The following HCN1 variants were observed in gnomAD, a reference collection of about 807,000 sequenced individuals.
HCN1 encodes potassium/sodium hyperpolarization-activated cyclic nucleotide-gated channel 1.
HCN1 carries 13 observed loss-of-function variants against 78.9 expected under a neutral mutation model. The observed-to-expected ratio is 0.16, with a 90% CI of 0.11 to 0.26. The LOEUF is 0.26. HCN1 is among the 10% of genes least tolerant of loss of function. HCN1 has a pLI of 1.00. For missense variants in HCN1, 810 were observed against 1,154.3 expected (o/e 0.70, Z 4.32); for synonymous variants, 552 against 455.5 (o/e 1.21, Z -2.70).
intron 4 of HCN1, among the ~76,000 whole-genome samples, chr5:45,376,298 A>ATTATATATAAAATATG (rs1350411790): frequency 7.6e-4 from 1 of 1,310 alleles, no homozygotes; most frequent in African/African-American, 2.3e-3. Flanking sequence ...TATATATTGT[A>ATTATATATAAAATATG]TTATATATAA....
intron 5 of HCN1, among the ~76,000 whole-genome samples, chr5:45,316,632 T>G (rs969020401): frequency 2.0e-5 from 3 of 152,216 alleles, no homozygotes; most frequent in African/African-American, 7.2e-5. Context: ...TTGTCCCTGT[T>G]GGTAGATGAC....
intron 3 of HCN1, among the ~76,000 whole-genome samples, chr5:45,435,884 T>A (rs34666220): frequency 0.5 from 75,684 of 151,918 alleles, 20,164 homozygotes; most frequent in African/African-American, 0.69. Context: ...AGGGGGAAAA[T>A]CCTACAACAA....
chr5:45,677,830 A>G (rs932147020), intron 1 of HCN1, among the ~76,000 whole-genome samples: 1 of 151,922 alleles, frequency 6.6e-6, no homozygotes, highest in Admixed American at 6.6e-5. Flanking sequence ...TGTTTTGAGC[A>G]TGTTTCTTAT....
At chr5:45,310,314 CA>C (rs527929272) in intron 5 of HCN1, among the ~76,000 whole-genome samples, 86 of 149,094 alleles carry the variant, frequency 5.8e-4, no homozygotes, top group African/African-American at 1.3e-3. Context: ...AACAAATTTA[CA>C]AAAAAAAATA....
chr5:45,484,679 C>T (rs1741723177), intron 2 of HCN1, among the ~76,000 whole-genome samples: 1 of 152,154 alleles, frequency 6.6e-6, no homozygotes, highest in Non-Finnish European at 1.5e-5. Context: ...TGACCTCGGA[C>T]ATTCCACATA....
chr5:45,659,849 T>G (rs1180719265), intron 1 of HCN1, among the ~76,000 whole-genome samples: 5 of 123,746 alleles, frequency 4.0e-5, no homozygotes, highest in African/African-American at 1.3e-4. Context: ...GAAAGTGATG[T>G]GGAGAATGGA....
At chr5:45,373,004 T>C (rs1160792354) in intron 4 of HCN1, among the ~76,000 whole-genome samples, 3 of 137,000 alleles carry the variant, frequency 2.2e-5, no homozygotes, top group Non-Finnish European at 4.6e-5. Flanking sequence ...AAAAATAAAA[T>C]TATATAAAAT....
intron 4 of HCN1, among the ~76,000 whole-genome samples, chr5:45,374,467 A>T (rs183952073): frequency 6.7e-6 from 1 of 149,666 alleles, no homozygotes; most frequent in East Asian, 2.0e-4. Context: ...TGTAATCCTT[A>T]TACAGACCAA....
chr5:45,528,800 A>G (rs762758747), intron 2 of HCN1, among the ~76,000 whole-genome samples: 26 of 152,016 alleles, frequency 1.7e-4, no homozygotes, highest in Non-Finnish European at 1.6e-4. Flanking sequence ...AGTCTCAATC[A>G]TAAGAAAAAT....
At chr5:45,543,113 T>C (rs1743138146) in intron 2 of HCN1, among the ~76,000 whole-genome samples, 1 of 152,118 alleles carries the variant, frequency 6.6e-6, no homozygotes, top group Non-Finnish European at 1.5e-5. Flanking sequence ...GTTCTTTTTA[T>C]ACCCATAAGG....
chr5:45,514,894 T>A (rs566511610), intron 2 of HCN1, among the ~76,000 whole-genome samples: 4 of 152,226 alleles, frequency 2.6e-5, no homozygotes, highest in African/African-American at 9.6e-5. Context: ...TTTTTTTCTT[T>A]CTGTTGAATT....
At chr5:45,415,414 A>T (rs1489279596) in intron 3 of HCN1, among the ~76,000 whole-genome samples, 1 of 151,936 alleles carries the variant, frequency 6.6e-6, no homozygotes, top group Non-Finnish European at 1.5e-5. Flanking sequence ...GTCATGATGT[A>T]TCCCCTGCAT....
intron 2 of HCN1, among the ~76,000 whole-genome samples, chr5:45,640,767 G>A (rs1378297528): frequency 1.3e-5 from 2 of 150,206 alleles, no homozygotes; most frequent in African/African-American, 4.9e-5. Context: ...TAGAGACAGG[G>A]TTTCACCATG....
At chr5:45,374,026 TATTA>T in intron 4 of HCN1, among the ~76,000 whole-genome samples, 1 of 114,914 alleles carries the variant, frequency 8.7e-6, no homozygotes, top group African/African-American at 3.5e-5. Context: ...ATATTATATA[TATTA>T]TATACATAAT....
At position 45,422,712 on chromosome 5, in the gene HCN1, A is replaced by T. The variant is rs188365214; in HGVS notation, c.1012-26002T>A. On this transcript the variant is annotated intron_variant, in intron 3 of 7. Coordinates refer to ENST00000303230, the MANE Select transcript of HCN1 (RefSeq NM_021072.4). ...TTTCAGAAAACCTTCCAGAATCAGC[A>T]ATAGTTTTTTTATTCACCATAATAC... Among the ~76,000 whole-genome samples, 410 of 152,320 alleles carry T rather than the reference A, an allele frequency of 2.7e-3. 2 individuals are homozygous for T. The highest frequency in any genetic ancestry group is 9.1e-3 in the African/African-American group (379 of 41,578).
chr5:45,350,427 G>T (rs957714125), intron 5 of HCN1, among the ~76,000 whole-genome samples: 6 of 152,116 alleles, frequency 3.9e-5, no homozygotes, highest in African/African-American at 1.4e-4. Context: ...CATACTGAGT[G>T]GGCAAAAACT....
rs561160033 is a variant in HCN1 at position 45,507,963 on chromosome 5, T to A, written c.850-45956A>T. The stretch of plus-strand genomic sequence containing the variant: ...TATATGTGTGCAGGAAAATACATCT[T>A]ATCTGAATTTCACCAAAAACTTATT... On this transcript the variant is annotated intron_variant, in intron 2 of 7. Coordinates refer to ENST00000303230, the MANE Select transcript of HCN1 (RefSeq NM_021072.4). 8.7e-4 allele frequency among the ~76,000 whole-genome samples: 132 copies of A among 152,230 alleles called. 1 individual carries two copies. The highest frequency in any genetic ancestry group is 2.8e-3 in the African/African-American group (116 of 41,554).
intron 3 of HCN1, among the ~76,000 whole-genome samples, chr5:45,407,269 T>G (rs1325321298): frequency 6.6e-6 from 1 of 152,240 alleles, no homozygotes; most frequent in East Asian, 1.9e-4. Flanking sequence ...CATAGCACAA[T>G]GCGTCACTCA....
At chr5:45,593,231 C>T (rs199517313) in intron 2 of HCN1, among the ~76,000 whole-genome samples, 1 of 136,716 alleles carries the variant, frequency 7.3e-6, no homozygotes, top group East Asian at 2.2e-4. Flanking sequence ...CACACACACA[C>T]ACAGACACAC....
Sources: allele counts gnomAD v4.1 joint callset (sites outside exome capture counted in the v4.1 genomes callset), GRCh38; gene constraint gnomAD v4.1.1; transcripts MANE v1.5; gene names NCBI Gene and HGNC (gene_info 2026-07-23, HGNC 2026-07-21).